Variants in SPDYE18 observed in about 807,000 individuals in gnomAD.
SPDYE18 encodes speedy protein E18.
SPDYE18 carries 6 observed loss-of-function variants against 44.9 expected under a neutral mutation model. The ratio of observed to expected loss-of-function variants is 0.13; its 90% confidence interval spans 0.07 to 0.26. SPDYE18 has a LOEUF of 0.26. Ranked by LOEUF, SPDYE18 falls within the 10% of genes least tolerant of loss-of-function variation. SPDYE18 has a pLI of 1.00. For synonymous variants in SPDYE18, 35 were observed against 177.1 expected (o/e 0.20, Z 6.37); for missense variants, 121 against 463.2 (o/e 0.26, Z 6.78).
At chr7:77,056,400 A>ACT in intron 5 of SPDYE18, 150 bp downstream of exon 5, 1 of 593,436 alleles carries the variant, frequency 1.7e-6, no homozygotes, top group Non-Finnish European at 2.5e-6. Flanking sequence ...ACAGAGCAAG[A>ACT]CTCTGTCTCA....
intron 8 of SPDYE18, among the ~76,000 whole-genome samples, 126 bp downstream of exon 8, chr7:77,052,607 G>A (rs924112701): frequency 1.3e-5 from 2 of 152,288 alleles, no homozygotes; most frequent in Admixed American, 6.5e-5. Context: ...GCTAATTTTT[G>A]TATTTTTGTG....
In SPDYE18 at chr7:77,060,399, C is replaced by T; in HGVS notation, c.114G>A (p.Gly38=). The T allele has an allele frequency of 1.4e-5, 21 of 1,535,528 alleles. No individual in the cohort carries two copies. Among genetic ancestry groups the T allele is most frequent in the Non-Finnish European group, 1.8e-5 (21 of 1,146,912 alleles). Residue 38 remains glycine, a synonymous_variant, in exon 2 of 9, where the codon GGG becomes GGA. Transcript: ENST00000510091. ...CATCCACCACCTCCTGGAGGGGGTA[C>T]CCCGAGGTGCTCCGCTGGAGACTCT... is the stretch of plus-strand genomic sequence containing the variant. ...NEQSLQRSTS[G]YPLQEVVDDE...
At position 77,051,694 on chromosome 7, in the gene SPDYE18, C is replaced by T. The variant is rs1789801495; in HGVS notation, c.*231G>A. 2.2e-5 allele frequency among the ~76,000 whole-genome samples: 3 copies of T among 136,504 alleles called. No individual in the cohort carries two copies. The Admixed American group carries it at 2.2e-4, about 10-fold the overall frequency. 89.6% of individuals were successfully genotyped at this position (136,504 alleles called of 152,430 possible). On this transcript the variant is annotated 3_prime_UTR_variant, in exon 9 of 9. Transcript: ENST00000510091. ...TCTCCAAGGACTCCTAGAAGGACCCCACCCCCCTCCCCCCACCCCTGCTCC... is the reference window on the plus strand; with the variant it reads ...TCTCCAAGGACTCCTAGAAGGACCCTACCCCCCTCCCCCCACCCCTGCTCC...
intron 1 of SPDYE18, among the ~76,000 whole-genome samples, chr7:77,062,015 G>A (rs1346706511): frequency 1.7e-5 from 2 of 120,890 alleles, no homozygotes; most frequent in African/African-American, 3.2e-5. Context: ...TGTAATCGCA[G>A]CTACTCAGGA....
rs1486384320 is a variant in SPDYE18, at chr7:77,051,183, A to G, written c.*742T>C. Among the ~76,000 whole-genome samples, 3 of 152,136 alleles carry G rather than the reference A, an allele frequency of 2.0e-5. No individual in the cohort carries two copies. The highest frequency in any genetic ancestry group is 7.2e-5 in the African/African-American group (3 of 41,486). On this transcript the variant is annotated 3_prime_UTR_variant, in exon 9 of 9. Coordinates refer to ENST00000510091, the MANE Select transcript of SPDYE18 (RefSeq NM_001394953.1). Reference sequence around the variant, plus strand: ...TTTTATGGAAGTATCATAGATAAAAAGAGTGCTCGCTTCAGGAGCACATAT... The same window carrying G: ...TTTTATGGAAGTATCATAGATAAAAGGAGTGCTCGCTTCAGGAGCACATAT...
In SPDYE18 at chr7:77,050,479, C is replaced by T. The variant is rs1367000619; in HGVS notation, c.*1446G>A. ...ATTGTTCTCTTGAAAACACACAGCT[C>T]ATGTCCTCCTTTAGAACACACATCC... On this transcript the variant is annotated 3_prime_UTR_variant, in exon 9 of 9. Transcript: ENST00000510091. Among the ~76,000 whole-genome samples the T allele has an allele frequency of 6.6e-6, 1 of 152,248 alleles. No individual in the cohort carries two copies. Among genetic ancestry groups the T allele is most frequent in the African/African-American group, 2.4e-5 (1 of 41,470 alleles).
Position 77,060,324 on chromosome 7 carries a change from C to T in SPDYE18, c.160+29G>A, listed in dbSNP as rs932569139. The T allele has an allele frequency of 2.1e-5, 33 of 1,534,922 alleles. No homozygotes were observed. The South Asian group carries it at 2.5e-4, about 12-fold the overall frequency. On this transcript the variant is annotated intron_variant, in intron 2 of 8. Coordinates refer to ENST00000510091, the MANE Select transcript of SPDYE18 (RefSeq NM_001394953.1). ...CTTCCTTCGTCTTAGTCAACCCTATCCCACCTCTTCTTCCACCAGTCCCCT... is the reference window on the plus strand; with the variant it reads ...CTTCCTTCGTCTTAGTCAACCCTATTCCACCTCTTCTTCCACCAGTCCCCT...
At chr7:77,058,937 C>T (rs1789976102) in intron 3 of SPDYE18, among the ~76,000 whole-genome samples, 2 of 151,984 alleles carry the variant, frequency 1.3e-5, no homozygotes, top group African/African-American at 4.8e-5. Context: ...GGATCTCAGG[C>T]GTGAGCCACT....
Position 77,051,403 on chromosome 7 carries a change from C to T in SPDYE18, c.*522G>A, listed in dbSNP as rs1789794153. 6.6e-6 allele frequency among the ~76,000 whole-genome samples: 1 copy of T among 152,280 alleles called. No homozygotes were observed. The highest frequency in any genetic ancestry group is 1.5e-5 in the Non-Finnish European group (1 of 68,048). On this transcript the variant is annotated 3_prime_UTR_variant, in exon 9 of 9. Transcript: ENST00000510091. ...AATAAATCTATGAATAATTCAATGG[C>T]CAACATTTCCAAACAAACCAATAAA...
At chr7:77,060,032 T>TA (rs1340836774) in intron 2 of SPDYE18, among the ~76,000 whole-genome samples, 1 of 144,992 alleles carries the variant, frequency 6.9e-6, no homozygotes, top group Non-Finnish European at 1.5e-5. Context: ...TCTTTTCTTT[T>TA]TTTTTTTTTT....
intron 6 of SPDYE18, among the ~76,000 whole-genome samples, chr7:77,054,122 A>G (rs1446360725): frequency 1.3e-5 from 2 of 152,328 alleles, no homozygotes; most frequent in South Asian, 4.1e-4. Flanking sequence ...CCCAGTGTCC[A>G]GGATGTAACT....
rs1181259739 is a variant in SPDYE18, at chr7:77,050,391, TCA to T, written c.*1532_*1533del. 1.3e-5 allele frequency among the ~76,000 whole-genome samples: 2 copies of T among 152,190 alleles called. No individual in the cohort carries two copies. Among genetic ancestry groups the T allele is most frequent in the Non-Finnish European group, 2.9e-5 (2 of 68,038 alleles). ...AAATAATCAATCCAGACCAATATGA[TCA>T]CAGTTGCTGTGAAGGTGAGAAAAGT... is the stretch of plus-strand genomic sequence containing the variant. On this transcript the variant is annotated 3_prime_UTR_variant, in exon 9 of 9. Coordinates refer to ENST00000510091, the MANE Select transcript of SPDYE18 (RefSeq NM_001394953.1).
chr7:77,060,688 A>G lies in SPDYE18; in HGVS notation c.-176T>C, dbSNP rs1423416289. ...GTCGGAATCTCTGATGTCATCGTTC[A>G]TGCCAACCTGGCAACCAGTTTGAAA... On this transcript the variant is annotated 5_prime_UTR_variant, in exon 2 of 9. An upstream start codon of the reference 5' UTR is lost. Transcript: ENST00000510091. Among the ~76,000 whole-genome samples the G allele has an allele frequency of 6.6e-6, 1 of 151,452 alleles. No homozygotes were observed. Among genetic ancestry groups the G allele is most frequent in the Admixed American group, 6.6e-5 (1 of 15,176 alleles).
At position 77,062,083 on chromosome 7, in the gene SPDYE18, G is replaced by C. The variant is rs1466031145; in HGVS notation, c.-422+413C>G. Among the ~76,000 whole-genome samples the C allele has an allele frequency of 6.5e-5, 9 of 137,670 alleles. 2 individuals are homozygous for C. In the Admixed American group the frequency reaches 6.6e-4, roughly 10 times the overall value. The allele number at this position is 137,670 out of a possible 152,430, so 90.3% of individuals were successfully genotyped here. A position where few individuals can be genotyped will look rare whatever the true frequency, so the allele number is the denominator to read the frequency against. On this transcript the variant is annotated intron_variant, in intron 1 of 8. Transcript: ENST00000510091. ...GCGCAGGTTGCAGGGAGCCAAGATC[G>C]CACCATTGTGCTCCAGCCTGGGCAA...
chr7:77,061,016 A>ACAAGAGTGAGATTATCACGTG lies in SPDYE18; in HGVS notation c.-421-84_-421-83insCACGTGATAATCTCACTCTTG, dbSNP rs1562795143. Reference sequence around the variant, plus strand: ...CCTTATAAGAGTGAGATTATCATGTACAAGAGTGAGATTATCACGTACAAG... The same window carrying ACAAGAGTGAGATTATCACGTG: ...CCTTATAAGAGTGAGATTATCATGTACAAGAGTGAGATTATCACGTGCAAGAGTGAGATTATCACGTACAAG... On this transcript the variant is annotated intron_variant, in intron 1 of 8. Transcript: ENST00000510091. Among the ~76,000 whole-genome samples, 493 of 97,046 alleles carry ACAAGAGTGAGATTATCACGTG rather than the reference A, an allele frequency of 5.1e-3. 5 individuals are homozygous for ACAAGAGTGAGATTATCACGTG. The highest frequency in any genetic ancestry group is 7.8e-3 in the Non-Finnish European group (335 of 42,686). 63.7% of individuals were successfully genotyped at this position (97,046 alleles called of 152,430 possible). A position where few individuals can be genotyped will look rare whatever the true frequency, so the allele number is the denominator to read the frequency against.
At position 77,060,390 on chromosome 7, in the gene SPDYE18, G is replaced by C. The variant is rs1790002153; in HGVS notation, c.123C>G (p.Leu41=). The change falls in exon 2 of 9, where the codon CTC becomes CTG. Residue 41 remains leucine, a synonymous_variant. Coordinates refer to ENST00000510091, the MANE Select transcript of SPDYE18 (RefSeq NM_001394953.1). ...SLQRSTSGYP[L]QEVVDDEVLG... is the part of the protein sequence containing the mutation. ...ACACTTCATCATCCACCACCTCCTGGAGGGGGTACCCCGAGGTGCTCCGCT... is the reference window on the plus strand; with the variant it reads ...ACACTTCATCATCCACCACCTCCTGCAGGGGGTACCCCGAGGTGCTCCGCT... The C allele has an allele frequency of 2.0e-6, 3 of 1,535,492 alleles. No homozygotes were observed. Among genetic ancestry groups the C allele is most frequent in the Non-Finnish European group, 2.6e-6 (3 of 1,146,904 alleles).
At chr7:77,060,970 G>T (rs1457618963) in intron 1 of SPDYE18, among the ~76,000 whole-genome samples, 37 bp from the exon 2 acceptor site, 36 of 145,654 alleles carry the variant, frequency 2.5e-4, no homozygotes, top group Non-Finnish European at 3.8e-4. Context: ...AAGAAAACTA[G>T]GGTAAGCAGA....
Position 77,060,421 on chromosome 7 carries a change from C to T in SPDYE18, c.92G>A (p.Ser31Asn). Residue 31 changes from serine to asparagine, a missense_variant, in exon 2 of 9, where the codon AGT (serine) becomes AAT (asparagine). Transcript: ENST00000510091. ...SRQPHPQNEQ[S>N]LQRSTSGYPL... ...GTACCCCGAGGTGCTCCGCTGGAGA[C>T]TCTGCTCATTCTGGGGGTGCGGTTG... The T allele has an allele frequency of 6.5e-7, 1 of 1,535,500 alleles. No homozygotes were observed. The highest frequency in any genetic ancestry group is 8.7e-7 in the Non-Finnish European group (1 of 1,146,838).
In SPDYE18 at chr7:77,052,837, T is replaced by C. The variant is rs1789832829; in HGVS notation, c.1000A>G (p.Ile334Val). 6.2e-7 allele frequency: 1 copy of C among 1,611,512 alleles called. No homozygotes were observed. The highest frequency in any genetic ancestry group is 1.3e-5 in the African/African-American group (1 of 74,874). The change falls in exon 8 of 9, where the codon ATC becomes GTC. Residue 334 changes from isoleucine (I) to valine (V), a missense_variant and splice_region_variant. Physicochemically the swap from Ile to Val is conservative, Grantham distance 29. Coordinates refer to ENST00000510091, the MANE Select transcript of SPDYE18 (RefSeq NM_001394953.1). ...CAGTGCTCTGGGTCATAAGCCTGGATCTGGAAAAACAAACGCCCTTTGAGA... is the reference window on the plus strand; with the variant it reads ...CAGTGCTCTGGGTCATAAGCCTGGACCTGGAAAAACAAACGCCCTTTGAGA... ...AWVSREELEE[I>V]QAYDPEHWVW...
Sources: gnomAD v4.1 joint callset for allele counts (sites outside exome capture counted in the v4.1 genomes callset) on GRCh38, gnomAD v4.1.1 for gene constraint, MANE v1.5 for transcripts, NCBI Gene and HGNC (gene_info 2026-07-23, HGNC 2026-07-21) for gene names.